ACTN4: variants seen among roughly 807,000 people sequenced by gnomAD.
ACTN4 encodes the protein actinin alpha 4, also known as alpha-actinin-4.
In ACTN4, 18 loss-of-function variants were observed where a neutral mutation model predicts 114.2. The ratio of observed to expected loss-of-function variants is 0.16; its 90% CI spans 0.11 to 0.23. ACTN4 has a LOEUF of 0.23. Among genes scored for constraint, ACTN4 ranks in the 10% least tolerant of loss-of-function variants. The probability of loss-of-function intolerance (pLI) is 1.00; values close to 1 mark genes in which losing one functional copy is unlikely to be tolerated. For missense variants in ACTN4, 722 were observed against 1,262.9 expected, an observed-to-expected ratio of 0.57 and a Z score of 6.49; for synonymous variants, 515 against 506.3, an observed-to-expected ratio of 1.02 and a Z score of -0.23.
Position 38,724,356 on chromosome 19 carries a change from C to T in ACTN4, c.1875+17C>T, listed in dbSNP as rs1326322977. ...TGGGAGAAGGTGGGCCGGGGCCATC[C>T]GTAGGGGCTGGGGCAGGACGGCGGG... On this transcript the variant is annotated intron_variant, in intron 15 of 20. Transcript: ENST00000252699. This position sits in a 1 kb window ranked among gnomAD's most constrained non-coding sequence, Gnocchi z 7.0. 1.3e-5 allele frequency: 21 copies of T among 1,612,988 alleles called. No individual in the cohort carries two copies. Among genetic ancestry groups the T allele is most frequent in the East Asian group, 4.5e-5 (2 of 44,860 alleles).
At position 38,730,565 on chromosome 19, in the gene ACTN4, TGTCTGTCCTCCACCTTCTA is replaced by T. The variant is rs1568759739; in HGVS notation, c.*1135_*1153del. On this transcript the variant is annotated 3_prime_UTR_variant, in exon 21 of 21. Transcript: ENST00000252699. ...GCATCATCTTTTTTTATTTCTCCTG[TGTCTGTCCTCCACCTTCTA>T]GGAGAGCCAGGGCAGAGCTAGCACT... 14 of 522,242 alleles carry T rather than the reference TGTCTGTCCTCCACCTTCTA, an allele frequency of 2.7e-5. No homozygotes were observed. Among genetic ancestry groups the T allele is most frequent in the Non-Finnish European group, 2.7e-5 (8 of 292,262 alleles). 32.4% of individuals were successfully genotyped at this position (522,242 alleles called of 1,614,324 possible).
chr19:38,712,494 G>A (rs1599839659), intron 8 of ACTN4, among the ~76,000 whole-genome samples: 1 of 152,180 alleles, frequency 6.6e-6, no homozygotes, highest in South Asian at 2.1e-4. Flanking sequence ...CACGGCAGCT[G>A]CCATTTAGGC....
intron 3 of ACTN4, among the ~76,000 whole-genome samples, chr19:38,703,564 G>A (rs1968355702): frequency 6.6e-6 from 1 of 152,118 alleles, no homozygotes; most frequent in African/African-American, 2.4e-5. Context: ...TTTTAGGTTA[G>A]TTCAGAAAGC....
intron 1 of ACTN4, among the ~76,000 whole-genome samples, chr19:38,686,110 C>A (rs1171171068): frequency 6.6e-6 from 1 of 152,224 alleles, no homozygotes; most frequent in African/African-American, 2.4e-5. Flanking sequence ...CGGGGTCCCA[C>A]TAGCTCAGGA....
intron 1 of ACTN4, among the ~76,000 whole-genome samples, chr19:38,653,615 T>G (rs976608966): frequency 2.0e-5 from 3 of 152,212 alleles, no homozygotes; most frequent in Non-Finnish European, 4.4e-5. Context: ...GGCTTTATCT[T>G]TATTCCTTCA....
intron 1 of ACTN4, among the ~76,000 whole-genome samples, chr19:38,666,169 GC>G (rs758408415): frequency 1.1e-4 from 17 of 149,266 alleles, no homozygotes; most frequent in South Asian, 2.1e-4. Context: ...TTCCTCCCGC[GC>G]CCCCCCCTTT....
intron 1 of ACTN4, among the ~76,000 whole-genome samples, chr19:38,692,305 G>A (rs1236037723): frequency 6.6e-6 from 1 of 152,250 alleles, no homozygotes; most frequent in African/African-American, 2.4e-5. Flanking sequence ...CTGAACTGCC[G>A]CAGTGCTAGC....
At chr19:38,718,168 G>A in intron 11 of ACTN4, 94 bp downstream of exon 11, 1 of 1,541,364 alleles carries the variant, frequency 6.5e-7, no homozygotes, top group Non-Finnish European at 8.8e-7. Context: ...ACAGCCCCCT[G>A]CCACGTTGGG....
At chr19:38,706,242 A>T in intron 5 of ACTN4, 111 bp downstream of exon 5, 2 of 1,149,978 alleles carry the variant, frequency 1.7e-6, no homozygotes, top group South Asian at 1.3e-5. Flanking sequence ...GCCAGCCCTC[A>T]GTCAGCCCCT....
intron 1 of ACTN4, among the ~76,000 whole-genome samples, chr19:38,673,517 T>TTATATATATTTATATATATGAATA (rs1967219627): frequency 1.2e-5 from 1 of 80,390 alleles, no homozygotes; most frequent in Non-Finnish European, 2.6e-5. Context: ...GAATATATAT[T>TTATATATATTTATATATATGAATA]TATATATATT....
chr19:38,716,633 A>G (rs1023464180), intron 9 of ACTN4, among the ~76,000 whole-genome samples: 1 of 152,220 alleles, frequency 6.6e-6, no homozygotes, highest in African/African-American at 2.4e-5. Context: ...GGAGCTCAAG[A>G]CCAGCCTGGG....
intron 1 of ACTN4, among the ~76,000 whole-genome samples, chr19:38,684,523 T>C (rs1428798297): frequency 6.6e-6 from 1 of 152,152 alleles, no homozygotes; most frequent in Non-Finnish European, 1.5e-5. Context: ...GGCCCCTTTG[T>C]CCTTTGACGT....
At chr19:38,686,969 T>G (rs80086140) in intron 1 of ACTN4, among the ~76,000 whole-genome samples, 7 of 142,134 alleles carry the variant, frequency 4.9e-5, no homozygotes, top group South Asian at 2.4e-4. Context: ...GAGTCTCTTT[T>G]TTTTTTTTTT....
At chr19:38,702,793 C>G (rs1250621198) in intron 3 of ACTN4, among the ~76,000 whole-genome samples, 3 of 152,306 alleles carry the variant, frequency 2.0e-5, no homozygotes, top group African/African-American at 7.2e-5. Context: ...ATGGACACCC[C>G]CTTCCTCTGG....
chr19:38,673,784 A>ATTTTTTTTTTTTTTT (rs58144950), intron 1 of ACTN4, among the ~76,000 whole-genome samples: 1 of 67,848 alleles, frequency 1.5e-5, no homozygotes, highest in African/African-American at 5.6e-5. Context: ...TATATGTATA[A>ATTTTTTTTTTTTTTT]TTTTTTTTTT....
Position 38,724,428 on chromosome 19 carries a change from C to T in ACTN4, c.1876-3C>T. 3.1e-6 allele frequency: 5 copies of T among 1,613,232 alleles called. No homozygotes were observed. Among genetic ancestry groups the T allele is most frequent in the Non-Finnish European group, 4.2e-6 (5 of 1,179,886 alleles). On this transcript the variant is annotated splice_polypyrimidine_tract_variant and splice_region_variant and intron_variant, in intron 15 of 20. Coordinates refer to ENST00000252699, the MANE Select transcript of ACTN4 (RefSeq NM_004924.6). The surrounding 1 kb of genome is among the most constrained non-coding windows in gnomAD (Gnocchi z 7.0). ...CGCTCCCACACCGCGTCTCCTCTGC[C>T]AGGTGCAGCAGCTGGTGCCAAAACG...
chr19:38,661,813 C>T lies in ACTN4; in HGVS notation c.162+13906C>T, dbSNP rs143703498. ...GACTACAGGCGCCCGCCACCATGCC[C>T]GGCTAATTTTTTGTATTTTTTGTAG... On this transcript the variant is annotated intron_variant, in intron 1 of 20. Transcript: ENST00000252699. Among the ~76,000 whole-genome samples, 603 of 152,200 alleles carry T rather than the reference C, an allele frequency of 4.0e-3. 4 individuals are homozygous for T. The highest frequency in any genetic ancestry group is 0.014 in the African/African-American group (567 of 41,532).
Position 38,730,169 on chromosome 19 carries a change from A to AAAGAAAG in ACTN4, c.*740_*746dup, listed in dbSNP as rs1312331183. 1 of 150,366 alleles carries AAAGAAAG rather than the reference A, an allele frequency of 6.7e-6. No individual in the cohort carries two copies. The highest frequency in any genetic ancestry group is 6.3e-5 in the Admixed American group (1 of 15,864). The allele number at this position is 150,366 out of a possible 1,614,324, so 9.3% of individuals were successfully genotyped here. On this transcript the variant is annotated 3_prime_UTR_variant, in exon 21 of 21. Transcript: ENST00000252699. ...ATCACAAAAACAAAAAAACTATAAA[A>AAAGAAAG]AAGAAAGAATTAAAAACTTTCAGAG...
intron 3 of ACTN4, among the ~76,000 whole-genome samples, chr19:38,701,806 G>A (rs1002723770): frequency 6.6e-6 from 1 of 152,242 alleles, no homozygotes; most frequent in Non-Finnish European, 1.5e-5. Context: ...GCATGAGCTC[G>A]CAGTCCACTC....
Sources: gnomAD v4.1 joint callset for allele counts (sites outside exome capture counted in the v4.1 genomes callset) on GRCh38, gnomAD v4.1.1 for gene constraint, Gnocchi (gnomAD v3.1) non-coding constraint, MANE v1.5 for transcripts, NCBI Gene and HGNC (gene_info 2026-07-23, HGNC 2026-07-21) for gene names.